AFAP1L1: variants seen among roughly 807,000 people sequenced by gnomAD.
The protein encoded by AFAP1L1 is actin filament-associated protein 1-like 1.
In AFAP1L1, 77 loss-of-function variants were observed where a neutral mutation model predicts 99.8. That is an observed-to-expected ratio of 0.77 (90% CI 0.64 to 0.93). AFAP1L1 has a LOEUF of 0.93. Among genes scored for constraint, AFAP1L1 ranks in the 40% least tolerant of loss-of-function variants. The pLI, the probability that AFAP1L1 is intolerant of heterozygous loss-of-function variation, is 0.00. For synonymous variants in AFAP1L1, 373 were observed against 395.3 expected (o/e 0.94, Z 0.67); for missense variants, 893 against 996.8 (o/e 0.90, Z 1.40).
At chr5:149,308,681 T>C (rs981667972) in intron 7 of AFAP1L1, among the ~76,000 whole-genome samples, 8 of 152,232 alleles carry the variant, frequency 5.3e-5, no homozygotes, top group African/African-American at 1.9e-4. Context: ...GACCATCCTC[T>C]TTCCAATCCT....
intron 9 of AFAP1L1, among the ~76,000 whole-genome samples, chr5:149,314,611 C>T (rs980918771): frequency 6.6e-6 from 1 of 152,224 alleles, no homozygotes; most frequent in South Asian, 2.1e-4. Context: ...AGAGCCATAA[C>T]TTCTGTTTCA....
chr5:149,306,555 C>A, intron 6 of AFAP1L1, 151 bp downstream of exon 6: 1 of 657,534 alleles, frequency 1.5e-6, no homozygotes, highest in Non-Finnish European at 2.5e-6. Context: ...TTTTGGGTGA[C>A]CCCAGCACTC....
intron 14 of AFAP1L1, among the ~76,000 whole-genome samples, chr5:149,321,151 G>T (rs10515626): frequency 4.3e-4 from 66 of 152,068 alleles, no homozygotes; most frequent in Non-Finnish European, 6.5e-4. Flanking sequence ...GGACAGTGCT[G>T]CATGACACAC....
At chr5:149,333,812 T>G (rs1164355618) in intron 17 of AFAP1L1, among the ~76,000 whole-genome samples, 1 of 152,168 alleles carries the variant, frequency 6.6e-6, no homozygotes, top group African/African-American at 2.4e-5. Context: ...TTGCCAGATG[T>G]CCCTCGGGAG....
chr5:149,342,272 C>T lies in AFAP1L1; in HGVS notation c.*2242C>T, dbSNP rs1290329085. ...ATTATCCCTTTAGTTTTCACTGAAA[C>T]CCTGAGATAAGTTATATTGCCCTAG... On this transcript the variant is annotated 3_prime_UTR_variant, in exon 19 of 19. Transcript: ENST00000296721. 1.3e-5 allele frequency among the ~76,000 whole-genome samples: 2 copies of T among 152,178 alleles called. No individual in the cohort carries two copies. The highest frequency in any genetic ancestry group is 4.8e-5 in the African/African-American group (2 of 41,436).
At position 149,301,194 on chromosome 5, in the gene AFAP1L1, C is replaced by T. The variant is rs1303277089; in HGVS notation, c.291C>T (p.Ala97=). 6.2e-7 allele frequency: 1 copy of T among 1,614,054 alleles called. No homozygotes were observed. The highest frequency in any genetic ancestry group is 1.1e-5 in the South Asian group (1 of 91,074). The part of the protein sequence containing the change: ...PEDDGEPSKG[A]SPELAKSPRL... ...ATGATGGGGAGCCCAGCAAAGGAGC[C>T]AGCCCTGAGCTAGCCAAGAGCCCAC... The change falls in exon 4 of 19, where the codon GCC becomes GCT. Residue 97 remains alanine, a synonymous_variant. Coordinates refer to ENST00000296721, the MANE Select transcript of AFAP1L1 (RefSeq NM_152406.4).
At chr5:149,334,535 T>C (rs914747241) in intron 17 of AFAP1L1, among the ~76,000 whole-genome samples, 4 of 152,220 alleles carry the variant, frequency 2.6e-5, no homozygotes, top group African/African-American at 9.7e-5. Flanking sequence ...TAGTAAGATA[T>C]TAATACTAAG....
Position 149,317,755 on chromosome 5 carries a change from G to A in AFAP1L1, c.1294G>A (p.Gly432Ser). The change falls in exon 12 of 19, where the codon GGC becomes AGC. Residue 432 changes from glycine (G) to serine (S), a missense_variant. Gly to Ser is a moderately conservative substitution (Grantham distance 56). Transcript: ENST00000296721. ...CGYLNVLVNQ[G>S]WKERWCRLKC... is the part of the protein sequence containing the mutation. ...CTACCTGAACGTGCTGGTGAACCAG[G>A]GCTGGAAGGAACGCTGGTGCCGCCT... 6.2e-7 allele frequency: 1 copy of A among 1,614,028 alleles called. No homozygotes were observed. Among genetic ancestry groups the A allele is most frequent in the South Asian group, 1.1e-5 (1 of 91,006 alleles).
chr5:149,306,541 C>T (rs888519342), intron 6 of AFAP1L1, 137 bp downstream of exon 6: 1 of 770,834 alleles, frequency 1.3e-6, no homozygotes, highest in Non-Finnish European at 2.0e-6. Flanking sequence ...CCCCAACACC[C>T]TTGTTTTGGG....
intron 1 of AFAP1L1, among the ~76,000 whole-genome samples, chr5:149,285,276 C>G (rs373859676): frequency 1.4e-4 from 22 of 152,206 alleles, no homozygotes; most frequent in East Asian, 1.2e-3. Flanking sequence ...AGCCTCCCAC[C>G]TAGAATATCT....
chr5:149,290,408 G>T (rs1755814748), intron 1 of AFAP1L1, among the ~76,000 whole-genome samples: 1 of 152,202 alleles, frequency 6.6e-6, no homozygotes, highest in South Asian at 2.1e-4. Flanking sequence ...TAGTGAGGTA[G>T]ATATGCTCAC....
At chr5:149,276,246 G>A (rs970384) in intron 1 of AFAP1L1, among the ~76,000 whole-genome samples, 49,184 of 152,204 alleles carry the variant, frequency 0.32, 9,322 homozygotes, top group East Asian at 0.53. Context: ...AAAAAGCTCA[G>A]CATCAAAGTC....
At chr5:149,288,660 C>T (rs138525484) in intron 1 of AFAP1L1, among the ~76,000 whole-genome samples, 42 of 152,250 alleles carry the variant, frequency 2.8e-4, no homozygotes, top group Non-Finnish European at 6.0e-4. Flanking sequence ...GGGAGGAATC[C>T]GCAGACAAAG....
chr5:149,290,823 A>T (rs1036907113), intron 1 of AFAP1L1, among the ~76,000 whole-genome samples: 2 of 151,998 alleles, frequency 1.3e-5, no homozygotes, highest in African/African-American at 4.8e-5. Flanking sequence ...GACTTTATCA[A>T]CTCTTAAAAG....
In AFAP1L1 at chr5:149,284,626, C is replaced by T. The variant is rs142231457; in HGVS notation, c.16+12642C>T. Among the ~76,000 whole-genome samples the T allele has an allele frequency of 2.6e-5, 4 of 152,320 alleles. No individual in the cohort carries two copies. The East Asian group carries it at 5.8e-4, about 22-fold the overall frequency. ...CTGGGAAGGGATGGGATTACGGAGA[C>T]GTTGGAGATAAGCCACAGGGAGTGC... On this transcript the variant is annotated intron_variant, in intron 1 of 18. Coordinates refer to ENST00000296721, the MANE Select transcript of AFAP1L1 (RefSeq NM_152406.4).
At chr5:149,333,346 C>T (rs186367287) in intron 17 of AFAP1L1, among the ~76,000 whole-genome samples, 8 of 152,298 alleles carry the variant, frequency 5.3e-5, no homozygotes, top group East Asian at 3.9e-4. Flanking sequence ...AAGTGGGAGA[C>T]GGGATTCCAA....
In AFAP1L1 at chr5:149,317,932, A is replaced by G; in HGVS notation, c.1471A>G (p.Ile491Val). The G allele has an allele frequency of 6.4e-7, 1 of 1,570,066 alleles. No individual in the cohort carries two copies. The highest frequency in any genetic ancestry group is 8.6e-7 in the Non-Finnish European group (1 of 1,157,294). ...RILRNRQEVA[I>V]LEASCSEDMG... is the part of the protein sequence containing the mutation. ...CCTGCGCAACCGGCAGGAGGTGGCCATCTTGGAGGTGAGAGGAGAGGGTGG... is the reference window on the plus strand; with the variant it reads ...CCTGCGCAACCGGCAGGAGGTGGCCGTCTTGGAGGTGAGAGGAGAGGGTGG... Residue 491 changes from isoleucine (I) to valine (V), a missense_variant, in exon 12 of 19, where the codon ATC becomes GTC. By Grantham distance (29) the Ile-to-Val change is conservative. Transcript: ENST00000296721.
chr5:149,302,067 C>G (rs184046034), intron 4 of AFAP1L1, among the ~76,000 whole-genome samples: 3 of 152,254 alleles, frequency 2.0e-5, no homozygotes, highest in African/African-American at 7.2e-5. Flanking sequence ...CCTCACGCTT[C>G]CTTGTCCTAC....
intron 1 of AFAP1L1, among the ~76,000 whole-genome samples, chr5:149,283,671 T>C (rs963512461): frequency 2.0e-5 from 3 of 152,226 alleles, no homozygotes; most frequent in African/African-American, 7.2e-5. Flanking sequence ...CTTTTGAAGA[T>C]GGAACCAGAT....
Sources: gnomAD v4.1 joint callset for allele counts (sites outside exome capture counted in the v4.1 genomes callset) on GRCh38, gnomAD v4.1.1 for gene constraint, MANE v1.5 for transcripts, NCBI Gene and HGNC (gene_info 2026-07-23, HGNC 2026-07-21) for gene names.